Variants in DOCK3 observed in about 807,000 individuals in gnomAD.
DOCK3 encodes the protein dedicator of cytokinesis 3, also known as dedicator of cytokinesis protein 3.
DOCK3 carries 60 observed loss-of-function variants against 265.6 expected under a neutral mutation model. The ratio of observed to expected loss-of-function variants is 0.23; its 90% CI spans 0.18 to 0.28. DOCK3 has a LOEUF of 0.28. DOCK3 is among the 10% of genes least tolerant of loss of function. DOCK3 has a pLI of 1.00. For synonymous variants in DOCK3, 881 were observed against 938.0 expected, an observed-to-expected ratio of 0.94 and a Z score of 1.11; for missense variants, 1,981 against 2,594.3, an observed-to-expected ratio of 0.76 and a Z score of 5.14.
intron 2 of DOCK3, among the ~76,000 whole-genome samples, chr3:50,786,473 G>A (rs1298657030): frequency 6.6e-6 from 1 of 152,108 alleles, no homozygotes; most frequent in Non-Finnish European, 1.5e-5. Flanking sequence ...GAGAGTCTGA[G>A]AACTAAAGAA....
At chr3:50,893,345 A>T (rs1450683858) in intron 4 of DOCK3, 1 of 182,678 alleles carries the variant, frequency 5.5e-6, no homozygotes, top group Non-Finnish European at 1.2e-5. Flanking sequence ...AATGAGTTAC[A>T]AGAGAATACA....
At chr3:51,113,175 G>A (rs1257064212) in intron 9 of DOCK3, among the ~76,000 whole-genome samples, 1 of 151,726 alleles carries the variant, frequency 6.6e-6, no homozygotes, top group Non-Finnish European at 1.5e-5. Context: ...GGGAGATAGA[G>A]GATAAATATA....
At chr3:51,002,643 A>G (rs1442213008) in intron 5 of DOCK3, among the ~76,000 whole-genome samples, 1 of 152,202 alleles carries the variant, frequency 6.6e-6, no homozygotes, top group Non-Finnish European at 1.5e-5. Context: ...TTGGAGATCC[A>G]GTTGTTTCAA....
chr3:50,960,781 T>G (rs2076864557), intron 5 of DOCK3, among the ~76,000 whole-genome samples: 1 of 152,172 alleles, frequency 6.6e-6, no homozygotes, highest in Non-Finnish European at 1.5e-5. Context: ...TCACTCTATA[T>G]TTTCTTCTAA....
intron 32 of DOCK3, among the ~76,000 whole-genome samples, chr3:51,322,045 A>G (rs1296159501): frequency 6.7e-6 from 1 of 149,408 alleles, no homozygotes; most frequent in Non-Finnish European, 1.5e-5. Flanking sequence ...ACCAAGGTTG[A>G]AATGAAGGGA....
chr3:51,108,437 C>T (rs2083381106), intron 9 of DOCK3, among the ~76,000 whole-genome samples: 1 of 152,150 alleles, frequency 6.6e-6, no homozygotes, highest in Non-Finnish European at 1.5e-5. Flanking sequence ...CACATACACA[C>T]ACTTAGGTAC....
At chr3:51,005,493 A>G (rs1236685996) in intron 5 of DOCK3, among the ~76,000 whole-genome samples, 2 of 152,118 alleles carry the variant, frequency 1.3e-5, no homozygotes, top group African/African-American at 2.4e-5. Flanking sequence ...ACTAAACTTT[A>G]TCTCTGTTTT....
intron 4 of DOCK3, among the ~76,000 whole-genome samples, chr3:50,919,269 T>C (rs1001253712): frequency 2.0e-5 from 3 of 152,106 alleles, no homozygotes; most frequent in Non-Finnish European, 2.9e-5. Flanking sequence ...ATATGAACTT[T>C]AGTTTTTTCC....
intron 49 of DOCK3, among the ~76,000 whole-genome samples, chr3:51,370,592 C>G (rs539652512): frequency 6.6e-6 from 1 of 152,258 alleles, no homozygotes; most frequent in African/African-American, 2.4e-5. Flanking sequence ...ACTGAATGCT[C>G]AGTGAGGAAC....
At chr3:51,167,975 T>G (rs2086489630) in intron 12 of DOCK3, among the ~76,000 whole-genome samples, 1 of 152,220 alleles carries the variant, frequency 6.6e-6, no homozygotes. Flanking sequence ...AGTACTGTGT[T>G]GAACAAAAGT....
At chr3:51,016,477 A>ATG (rs368956407) in intron 5 of DOCK3, among the ~76,000 whole-genome samples, 1 of 57,662 alleles carries the variant, frequency 1.7e-5, no homozygotes, top group Non-Finnish European at 2.9e-5. Flanking sequence ...ATTTCTACAT[A>ATG]ATATATATAT....
rs576245453 is a variant in DOCK3, at chr3:50,845,450, G to A, written c.162+3735G>A. ...GTAGTATTCTGTGAGATAGGAACAG[G>A]GCCTTATGGAATGTTTTGCACAGCA... On this transcript the variant is annotated intron_variant, in intron 3 of 52. Transcript: ENST00000266037. 2.6e-5 allele frequency among the ~76,000 whole-genome samples: 4 copies of A among 152,184 alleles called. No individual in the cohort carries two copies. In the East Asian group the frequency reaches 7.7e-4, roughly 29 times the overall value.
intron 4 of DOCK3, among the ~76,000 whole-genome samples, chr3:50,923,101 C>G (rs563313917): frequency 6.6e-6 from 1 of 152,164 alleles, no homozygotes; most frequent in Non-Finnish European, 1.5e-5. Context: ...TCAATTCATT[C>G]TTTTTTATGT....
chr3:51,059,455 C>CCACACA (rs57596003), intron 5 of DOCK3, among the ~76,000 whole-genome samples: 26 of 140,714 alleles, frequency 1.8e-4, no homozygotes, highest in African/African-American at 4.8e-4. Context: ...AGAAAAAAAA[C>CCACACA]CACACACACA....
chr3:50,886,645 G>C (rs1394273265), intron 3 of DOCK3, among the ~76,000 whole-genome samples: 1 of 146,928 alleles, frequency 6.8e-6, no homozygotes, highest in East Asian at 2.0e-4. Context: ...ATCTATGAGT[G>C]AGAACATGTA....
chr3:50,968,128 C>T (rs2077087079), intron 5 of DOCK3, among the ~76,000 whole-genome samples: 2 of 152,108 alleles, frequency 1.3e-5, no homozygotes, highest in Non-Finnish European at 2.9e-5. Context: ...TGATGTTGAG[C>T]ATGTCTTCAT....
intron 27 of DOCK3, among the ~76,000 whole-genome samples, chr3:51,303,041 C>T (rs2082441831): frequency 6.6e-6 from 1 of 152,134 alleles, no homozygotes; most frequent in South Asian, 2.1e-4. Context: ...TTCTCCCTGT[C>T]TCATTCAGGT....
At chr3:50,710,296 C>CTCAGAATCTGAGTTA (rs1559538709) in intron 1 of DOCK3, among the ~76,000 whole-genome samples, 416 of 152,148 alleles carry the variant, frequency 2.7e-3, no homozygotes, top group African/African-American at 9.6e-3. Context: ...CCAGAATCTA[C>CTCAGAATCTGAGTTA]GAGGAACTCA....
At chr3:50,942,378 TG>T (rs1191377089) in intron 5 of DOCK3, among the ~76,000 whole-genome samples, 1 of 152,022 alleles carries the variant, frequency 6.6e-6, no homozygotes, top group Non-Finnish European at 1.5e-5. Context: ...AAAACAATAA[TG>T]GTTTTAGACA....
Sources: allele counts gnomAD v4.1 joint callset (sites outside exome capture counted in the v4.1 genomes callset), GRCh38; gene constraint gnomAD v4.1.1; transcripts MANE v1.5; gene names NCBI Gene and HGNC (gene_info 2026-07-23, HGNC 2026-07-21).